CCNF: variants seen among roughly 807,000 people sequenced by gnomAD.
The protein encoded by CCNF is cyclin-F.
Under a neutral mutation model 85.4 loss-of-function variants are expected in CCNF, and 30 were observed. That is an observed-to-expected ratio of 0.35 (90% CI 0.26 to 0.48). The LOEUF (loss-of-function observed/expected upper bound fraction) is 0.48, where lower values mean the gene tolerates loss of function less well. CCNF is among the 20% of genes least tolerant of loss of function. The pLI is 0.99. For synonymous variants in CCNF, 439 were observed against 425.1 expected (o/e 1.03, Z -0.40); for missense variants, 919 against 1,010.4 (o/e 0.91, Z 1.23).
At chr16:2,455,057 CAAAAAAAAAA>C (rs113432361) in intron 15 of CCNF, among the ~76,000 whole-genome samples, 1 of 47,238 alleles carries the variant, frequency 2.1e-5, no homozygotes, top group African/African-American at 8.0e-5. Context: ...AAGAACACCT[CAAAAAAAAAA>C]AAAAAAAAAA....
chr16:2,443,171 TATATATAATATATA>T lies in CCNF; in HGVS notation c.778-470_778-457del, dbSNP rs1241490587. Among the ~76,000 whole-genome samples the T allele has an allele frequency of 9.1e-4, 9 of 9,920 alleles. No homozygotes were observed. In the East Asian group the frequency reaches 0.067, roughly 74 times the overall value. The allele number at this position is 9,920 out of a possible 152,430, so 6.5% of individuals were successfully genotyped here. A position where few individuals can be genotyped will look rare whatever the true frequency, so the allele number is the denominator to read the frequency against. ...TATATAATATATATTATATATAATA[TATATATAATATATA>T]ATATATATATATTTCTCTGTTTTTG... On this transcript the variant is annotated intron_variant, in intron 8 of 16. Transcript: ENST00000397066.
intron 3 of CCNF, among the ~76,000 whole-genome samples, chr16:2,433,315 G>A (rs1200823904): frequency 1.3e-5 from 2 of 152,196 alleles, no homozygotes; most frequent in African/African-American, 2.4e-5. Flanking sequence ...GGTGCCTCCA[G>A]AGGGCTGTGA....
At chr16:2,435,361 TG>T (rs1305302158) in intron 3 of CCNF, among the ~76,000 whole-genome samples, 2 of 151,804 alleles carry the variant, frequency 1.3e-5, no homozygotes, top group Non-Finnish European at 2.9e-5. Flanking sequence ...GAGGATCACT[TG>T]GGTCTGGAAT....
In CCNF at chr16:2,435,876, A is replaced by G; in HGVS notation, c.346+3A>G. On this transcript the variant is annotated splice_donor_region_variant and intron_variant, in intron 4 of 16. Coordinates refer to ENST00000397066, the MANE Select transcript of CCNF (RefSeq NM_001761.3). Reference sequence around the variant, plus strand: ...AGCCTACCTCTACAATGAAGGCCGTAAGTCCTCACCCCACCTGCATGTTGG... The same window carrying G: ...AGCCTACCTCTACAATGAAGGCCGTGAGTCCTCACCCCACCTGCATGTTGG... 1 of 1,611,140 alleles carries G rather than the reference A, an allele frequency of 6.2e-7. No homozygotes were observed. The highest frequency in any genetic ancestry group is 8.5e-7 in the Non-Finnish European group (1 of 1,177,504).
intron 15 of CCNF, among the ~76,000 whole-genome samples, 169 bp from the exon 16 acceptor site, chr16:2,455,226 G>A (rs2065419531): frequency 6.6e-6 from 1 of 152,260 alleles, no homozygotes; most frequent in African/African-American, 2.4e-5. Context: ...GGCCCTGCCT[G>A]AAGGGCTTAT....
chr16:2,439,862 C>T, intron 8 of CCNF, 36 bp downstream of exon 8: 1 of 1,568,734 alleles, frequency 6.4e-7, no homozygotes. Context: ...GGGGAGCTGG[C>T]CTTTCTCCCT....
In CCNF at chr16:2,456,576, C is replaced by T. The variant is rs149659964; in HGVS notation, c.1917C>T (p.Thr639=). The T allele has an allele frequency of 1.1e-5, 17 of 1,559,540 alleles. No individual in the cohort carries two copies. Among genetic ancestry groups the T allele is most frequent in the Middle Eastern group, 3.4e-4 (2 of 5,832 alleles). ...VTAPSGILDV[T]VVYLNPEQHC... ...CTCCCAGCGGCATCCTCGATGTCAC[C>T]GTGGTCTACCTGAACCCAGAACAGC... is the stretch of plus-strand genomic sequence containing the variant. Residue 639 remains threonine (T), a synonymous_variant, in exon 17 of 17, where the codon ACC becomes ACT. Transcript: ENST00000397066. The surrounding 1 kb of genome is among the most constrained non-coding windows in gnomAD (Gnocchi z 4.5).
intron 2 of CCNF, among the ~76,000 whole-genome samples, chr16:2,432,714 G>GT (rs1219372669): frequency 2.0e-5 from 3 of 152,200 alleles, no homozygotes; most frequent in Non-Finnish European, 4.4e-5. Flanking sequence ...CAGCCTAGGT[G>GT]TTTGTTTCCT....
intron 1 of CCNF, among the ~76,000 whole-genome samples, 200 bp downstream of exon 1, chr16:2,429,697 C>T (rs1227539364): frequency 6.6e-6 from 1 of 152,070 alleles, no homozygotes; most frequent in South Asian, 2.1e-4. Flanking sequence ...CCGGCGGGCG[C>T]CCGAGCCCCT....
rs2141833365 is a variant in CCNF, at chr16:2,456,333, C to T, written c.1886-212C>T. The T allele has an allele frequency of 2.1e-6, 1 of 482,514 alleles. No homozygotes were observed. The allele number at this position is 482,514 out of a possible 1,614,324, so 29.9% of individuals were successfully genotyped here. A position where few individuals can be genotyped will look rare whatever the true frequency, so the allele number is the denominator to read the frequency against. ...CACTTGGCTTGAGCTAGATGGCCAACTTGTCATCTCCACATTTGTTGGAGT... is the reference window on the plus strand; with the variant it reads ...CACTTGGCTTGAGCTAGATGGCCAATTTGTCATCTCCACATTTGTTGGAGT... On this transcript the variant is annotated intron_variant, in intron 16 of 16. Coordinates refer to ENST00000397066, the MANE Select transcript of CCNF (RefSeq NM_001761.3). The surrounding 1 kb of genome is among the most constrained non-coding windows in gnomAD (Gnocchi z 4.5).
Position 2,439,342 on chromosome 16 carries a change from A to G in CCNF, c.595-11A>G. Reference sequence around the variant, plus strand: ...TAAGGGAACAATGAACTCTGCTGGGATTTATTCTAGGATGAGGAGAAGCAG... The same window carrying G: ...TAAGGGAACAATGAACTCTGCTGGGGTTTATTCTAGGATGAGGAGAAGCAG... On this transcript the variant is annotated splice_polypyrimidine_tract_variant and intron_variant, in intron 6 of 16. Coordinates refer to ENST00000397066, the MANE Select transcript of CCNF (RefSeq NM_001761.3). 1 of 1,585,326 alleles carries G rather than the reference A, an allele frequency of 6.3e-7. No homozygotes were observed. The highest frequency in any genetic ancestry group is 8.6e-7 in the Non-Finnish European group (1 of 1,161,644).
chr16:2,455,552 A>G lies in CCNF; in HGVS notation c.1873A>G (p.Lys625Glu). ...AGGCGACCAGGAGAGTGAGGGCGAGAAGGAGGGCGACGGTGAGTGTGGGGC... is the reference window on the plus strand; with the variant it reads ...AGGCGACCAGGAGAGTGAGGGCGAGGAGGAGGGCGACGGTGAGTGTGGGGC... ...YEGDQESEGE[K>E]EGDVTAPSGI... The change falls in exon 16 of 17, where the codon AAG (lysine) becomes GAG (glutamate). Residue 625 changes from lysine to glutamate, a missense_variant. Lys to Glu is a moderately conservative substitution (Grantham distance 56). Around this residue, in one of 3 missense-constraint regions of CCNF, gnomAD observed 505 missense variants for 514.8 expected, o/e 0.98. Transcript: ENST00000397066. 2 of 1,595,936 alleles carry G rather than the reference A, an allele frequency of 1.3e-6. No homozygotes were observed. The highest frequency in any genetic ancestry group is 8.6e-7 in the Non-Finnish European group (1 of 1,165,362).
At chr16:2,431,391 G>C (rs2065261639) in intron 2 of CCNF, 107 bp downstream of exon 2, 10 of 1,275,928 alleles carry the variant, frequency 7.8e-6, no homozygotes, top group Non-Finnish European at 1.1e-5. Context: ...AAGAGGTTGG[G>C]GCAGAGGCCA....
chr16:2,437,031 G>A (rs2065294583), intron 4 of CCNF, 98 bp from the exon 5 acceptor site: 4 of 1,020,162 alleles, frequency 3.9e-6, no homozygotes, highest in Non-Finnish European at 5.6e-6. Context: ...GCACTATGGT[G>A]GGCTTCAGGC....
chr16:2,445,226 T>C (rs774336176), intron 9 of CCNF, among the ~76,000 whole-genome samples: 1 of 152,108 alleles, frequency 6.6e-6, no homozygotes, highest in Non-Finnish European at 1.5e-5. Flanking sequence ...GCGCTTGTGT[T>C]TGGGAGCACC....
chr16:2,453,666 T>C lies in CCNF; in HGVS notation c.1715+129T>C. On this transcript the variant is annotated intron_variant, in intron 15 of 16. Coordinates refer to ENST00000397066, the MANE Select transcript of CCNF (RefSeq NM_001761.3). This position sits in a 1 kb window ranked among gnomAD's most constrained non-coding sequence, Gnocchi z 5.6. ...AGGGGAGCAGCAGATCCCAGGACAG[T>C]GACCCTGGGACGGAGCCCTGCAGTC... 8.1e-7 allele frequency: 1 copy of C among 1,235,398 alleles called. No individual in the cohort carries two copies. The highest frequency in any genetic ancestry group is 1.1e-6 in the Non-Finnish European group (1 of 873,096). 76.5% of individuals were successfully genotyped at this position (1,235,398 alleles called of 1,614,324 possible).
At chr16:2,448,746 C>A (rs1016299616) in intron 10 of CCNF, 109 bp from the exon 11 acceptor site, 3 of 969,404 alleles carry the variant, frequency 3.1e-6, no homozygotes, top group Non-Finnish European at 4.7e-6. Flanking sequence ...CAAAGCCCAA[C>A]GCCATGGCTC....
chr16:2,443,564 G>T, intron 8 of CCNF, 85 bp from the exon 9 acceptor site: 1 of 1,386,884 alleles, frequency 7.2e-7, no homozygotes, highest in Non-Finnish European at 1.0e-6. Context: ...ACATGCATTT[G>T]GTGCCTGAAT....
chr16:2,450,336 TAAAAAA>T (rs869044588), intron 13 of CCNF, among the ~76,000 whole-genome samples: 2 of 65,940 alleles, frequency 3.0e-5, no homozygotes, highest in African/African-American at 7.1e-5. Flanking sequence ...CTGTCTCTAC[TAAAAAA>T]AAAAAAAAAA....
Sources: allele counts gnomAD v4.1 joint callset (sites outside exome capture counted in the v4.1 genomes callset), GRCh38; gene constraint gnomAD v4.1.1; regional missense constraint gnomAD v4.1.1; non-coding constraint Gnocchi (gnomAD v3.1); transcripts MANE v1.5; gene names NCBI Gene and HGNC (gene_info 2026-07-23, HGNC 2026-07-21).